Variants in CYFIP2 observed in about 807,000 individuals in gnomAD.
The protein encoded by CYFIP2 is cytoplasmic FMR1 interacting protein 2.
In CYFIP2, 29 loss-of-function variants were observed where a neutral mutation model predicts 158.7. That is an observed-to-expected ratio of 0.18 (90% CI 0.14 to 0.25). The LOEUF (loss-of-function observed/expected upper bound fraction) is 0.25, where lower values mean the gene tolerates loss of function less well. CYFIP2 is among the 10% of genes least tolerant of loss of function. CYFIP2 has a pLI of 1.00. For synonymous variants in CYFIP2, 585 were observed against 617.6 expected, an observed-to-expected ratio of 0.95 and a Z score of 0.78; for missense variants, 852 against 1,639.5, an observed-to-expected ratio of 0.52 and a Z score of 8.29.
At chr5:157,386,315 T>C (rs2113533188) in intron 28 of CYFIP2, among the ~76,000 whole-genome samples, 1 of 152,186 alleles carries the variant, frequency 6.6e-6, no homozygotes, top group Admixed American at 6.5e-5. Context: ...CCTCCCAGGC[T>C]CAAGCAATCT....
chr5:157,381,529 C>CCAA (rs1291712571), intron 26 of CYFIP2, among the ~76,000 whole-genome samples: 8 of 102,830 alleles, frequency 7.8e-5, no homozygotes, highest in Non-Finnish European at 1.2e-4. Context: ...CTCCGTTTCA[C>CCAA]AAAAAAAAAA....
chr5:157,343,539 C>G (rs760340248), intron 23 of CYFIP2: 32 of 1,543,754 alleles, frequency 2.1e-5, no homozygotes, highest in Non-Finnish European at 2.6e-5. Context: ...ATGTTCATCC[C>G]GATTCTGGAA....
At chr5:157,283,299 A>ATG (rs1363649066) in intron 1 of CYFIP2, among the ~76,000 whole-genome samples, 2 of 152,208 alleles carry the variant, frequency 1.3e-5, no homozygotes, top group Non-Finnish European at 2.9e-5. Context: ...GGCTAAAGAA[A>ATG]TGTTTCACTA....
Position 157,339,263 on chromosome 5 carries a change from G to A in CYFIP2, c.2585+7G>A. On this transcript the variant is annotated splice_region_variant and intron_variant, in intron 22 of 30. Transcript: ENST00000620254. ...ACAATGGGTCCACTAACCGGTAAGG[G>A]AGTCCCTGTGCAGAGGGGGCCGGGT... is the stretch of plus-strand genomic sequence containing the variant. 2 of 1,606,638 alleles carry A rather than the reference G, an allele frequency of 1.2e-6. No homozygotes were observed. Among genetic ancestry groups the A allele is most frequent in the Non-Finnish European group, 1.7e-6 (2 of 1,174,552 alleles).
At chr5:157,351,439 G>C (rs77086472) in intron 23 of CYFIP2, among the ~76,000 whole-genome samples, 2 of 152,160 alleles carry the variant, frequency 1.3e-5, no homozygotes, top group Admixed American at 6.5e-5. Flanking sequence ...ATATTGAAAA[G>C]TTCAAAGATG....
intron 26 of CYFIP2, chr5:157,365,364 T>C (rs1764266652): frequency 6.6e-6 from 1 of 152,228 alleles, no homozygotes; most frequent in Admixed American, 6.5e-5. Flanking sequence ...CAGATTAATA[T>C]ATCATTGATA....
chr5:157,311,181 G>A lies in CYFIP2; in HGVS notation c.993-483G>A. 2.3e-6 allele frequency: 1 copy of A among 435,580 alleles called. No homozygotes were observed. Among genetic ancestry groups the A allele is most frequent in the South Asian group, 1.6e-5 (1 of 62,416 alleles). 27.0% of individuals were successfully genotyped at this position (435,580 alleles called of 1,614,324 possible). On this transcript the variant is annotated intron_variant, in intron 10 of 30. Coordinates refer to ENST00000620254, the MANE Select transcript of CYFIP2 (RefSeq NM_001037333.3). This position sits in a 1 kb window ranked among gnomAD's most constrained non-coding sequence, Gnocchi z 4.7. ...TCCCACCACAGTGTGCTTCCATGTTGCCAGGGCACTGTTGGAAAAGAGGCA... is the reference window on the plus strand; with the variant it reads ...TCCCACCACAGTGTGCTTCCATGTTACCAGGGCACTGTTGGAAAAGAGGCA...
At chr5:157,277,398 T>C (rs1407932668) in intron 1 of CYFIP2, among the ~76,000 whole-genome samples, 1 of 152,122 alleles carries the variant, frequency 6.6e-6, no homozygotes, top group Non-Finnish European at 1.5e-5. Context: ...TCTGTGTTAT[T>C]AATAGTGAAG....
intron 30 of CYFIP2, 100 bp downstream of exon 30, chr5:157,390,768 C>T: frequency 1.3e-6 from 2 of 1,520,718 alleles, no homozygotes; most frequent in Non-Finnish European, 1.8e-6. Flanking sequence ...TGAAGGCCAG[C>T]TCCCCACACG....
chr5:157,326,302 C>T (rs752808675), intron 18 of CYFIP2, 35 bp downstream of exon 18: 3 of 1,562,738 alleles, frequency 1.9e-6, no homozygotes, highest in African/African-American at 2.7e-5. Context: ...CTCCTTTAAT[C>T]TTGTTCCAAA....
At chr5:157,279,515 C>G (rs557804425) in intron 1 of CYFIP2, among the ~76,000 whole-genome samples, 10 of 152,360 alleles carry the variant, frequency 6.6e-5, no homozygotes, top group Middle Eastern at 6.8e-3. Context: ...GACCCACCCC[C>G]CTCTTGCTTG....
Position 157,383,317 on chromosome 5 carries a change from G to A in CYFIP2, c.3165G>A (p.Pro1055=), listed in dbSNP as rs778009198. 9.3e-6 allele frequency: 15 copies of A among 1,613,738 alleles called. No individual in the cohort carries two copies. In the Admixed American group the frequency reaches 1.0e-4, roughly 11 times the overall value. ...RMKRLEAKYA[P]LHLVPLIERL... Reference sequence around the variant, plus strand: ...AACGTCTGGAAGCCAAGTATGCCCCGCTCCACCTGGTCCCTCTGATCGAGC... The same window carrying A: ...AACGTCTGGAAGCCAAGTATGCCCCACTCCACCTGGTCCCTCTGATCGAGC... Residue 1055 remains proline (P), a synonymous_variant, in exon 28 of 31, where the codon CCG becomes CCA. Coordinates refer to ENST00000620254, the MANE Select transcript of CYFIP2 (RefSeq NM_001037333.3).
intron 26 of CYFIP2, among the ~76,000 whole-genome samples, chr5:157,366,552 G>A (rs1039948678): frequency 1.1e-4 from 16 of 152,172 alleles, no homozygotes; most frequent in African/African-American, 3.6e-4. Flanking sequence ...TTAATGGGAA[G>A]TATAAATCTT....
chr5:157,351,803 T>C (rs1763090364), intron 23 of CYFIP2, among the ~76,000 whole-genome samples: 1 of 152,136 alleles, frequency 6.6e-6, no homozygotes, highest in Admixed American at 6.5e-5. Context: ...GACTTCATAG[T>C]ATGGTGGACT....
chr5:157,311,929 G>A lies in CYFIP2; in HGVS notation c.1110+148G>A. On this transcript the variant is annotated intron_variant, in intron 11 of 30. Transcript: ENST00000620254. The surrounding 1 kb of genome is among the most constrained non-coding windows in gnomAD (Gnocchi z 4.7). ...TAAAGTGGCCAACAGCAGGGGTTTT[G>A]GAGCCAGGCAGACTGGGGTGAATTC... 1 of 687,370 alleles carries A rather than the reference G, an allele frequency of 1.5e-6. No individual in the cohort carries two copies. Among genetic ancestry groups the A allele is most frequent in the Non-Finnish European group, 2.5e-6 (1 of 405,648 alleles). 42.6% of individuals were successfully genotyped at this position (687,370 alleles called of 1,614,324 possible).
intron 10 of CYFIP2, among the ~76,000 whole-genome samples, chr5:157,310,739 C>A (rs879661784): frequency 6.6e-6 from 1 of 152,208 alleles, no homozygotes; most frequent in Non-Finnish European, 1.5e-5. Context: ...CCCCTCTCCA[C>A]AGGTAACTCT....
At chr5:157,387,896 C>T (rs1025998577) in intron 28 of CYFIP2, among the ~76,000 whole-genome samples, 13 of 152,178 alleles carry the variant, frequency 8.5e-5, no homozygotes, top group African/African-American at 1.4e-4. Context: ...GACAACTACA[C>T]TCATGGTCCA....
rs1457569504 is a variant in CYFIP2 at position 157,283,683 on chromosome 5, G to A, written c.-23-1656G>A. The stretch of plus-strand genomic sequence containing the variant: ...ATGGGAAGGTGTGTTTGAGAACTCA[G>A]TGAAATGTGAATCTAGTTAGCTGCA... On this transcript the variant is annotated intron_variant, in intron 1 of 30. Coordinates refer to ENST00000620254, the MANE Select transcript of CYFIP2 (RefSeq NM_001037333.3). Among the ~76,000 whole-genome samples the A allele has an allele frequency of 2.6e-5, 4 of 152,300 alleles. No individual in the cohort carries two copies. The East Asian group carries it at 7.7e-4, about 29-fold the overall frequency.
intron 5 of CYFIP2, among the ~76,000 whole-genome samples, 182 bp downstream of exon 5, chr5:157,296,956 C>T (rs555142362): frequency 5.3e-5 from 8 of 152,326 alleles, no homozygotes; most frequent in South Asian, 4.1e-4. Context: ...GAATTTTCAT[C>T]CTAGTGAGTA....
Sources: gnomAD v4.1 joint callset for allele counts (sites outside exome capture counted in the v4.1 genomes callset) on GRCh38, gnomAD v4.1.1 for gene constraint, Gnocchi (gnomAD v3.1) non-coding constraint, MANE v1.5 for transcripts, NCBI Gene and HGNC (gene_info 2026-07-23, HGNC 2026-07-21) for gene names.